Variants in LIMA1 observed in about 807,000 individuals in gnomAD.
LIMA1 encodes the protein LIM domain and actin-binding protein 1.
In LIMA1, 52 loss-of-function variants were observed where a neutral mutation model predicts 62.6. The observed-to-expected ratio is 0.83, with a 90% CI of 0.67 to 1.05. The LOEUF (loss-of-function observed/expected upper bound fraction) is 1.05. LIMA1 is among the 50% of genes least tolerant of loss of function. The pLI is 0.00. For missense variants in LIMA1, 780 were observed against 902.2 expected, an observed-to-expected ratio of 0.86 and a Z score of 1.74; for synonymous variants, 302 against 317.8, an observed-to-expected ratio of 0.95 and a Z score of 0.53.
intron 4 of LIMA1, among the ~76,000 whole-genome samples, chr12:50,214,051 C>CACAT (rs55904917): frequency 4.0e-5 from 6 of 149,860 alleles, no homozygotes; most frequent in South Asian, 4.3e-4. Context: ...CACACACACA[C>CACAT]GAGATTACTC....
At chr12:50,204,298 A>C (rs897842712) in intron 6 of LIMA1, 1 of 363,228 alleles carries the variant, frequency 2.8e-6, no homozygotes, top group African/African-American at 2.1e-5. Context: ...AGCCAGGGAA[A>C]CTCTCAATGA....
intron 1 of LIMA1, among the ~76,000 whole-genome samples, chr12:50,270,956 G>C (rs1293154967): frequency 6.6e-6 from 1 of 152,154 alleles, no homozygotes; most frequent in Non-Finnish European, 1.5e-5. Flanking sequence ...GCCGGGCGTG[G>C]TGGCGGGTGC....
At chr12:50,267,951 G>A (rs778221685) in intron 1 of LIMA1, among the ~76,000 whole-genome samples, 17 of 151,922 alleles carry the variant, frequency 1.1e-4, no homozygotes, top group Non-Finnish European at 2.5e-4. Flanking sequence ...CACCGTGCCC[G>A]GCCACATTTA....
chr12:50,201,231 T>C, intron 6 of LIMA1: 1 of 1,043,126 alleles, frequency 9.6e-7, no homozygotes, highest in Non-Finnish European at 1.2e-6. Context: ...AGCTTGTGAG[T>C]TTTATCAGAA....
At chr12:50,225,961 CATT>C (rs1341685789) in intron 3 of LIMA1, among the ~76,000 whole-genome samples, 1 of 152,202 alleles carries the variant, frequency 6.6e-6, no homozygotes, top group Non-Finnish European at 1.5e-5. Context: ...ATTTATATCT[CATT>C]ATTAATTTAC....
chr12:50,245,138 G>A (rs1400114757), intron 2 of LIMA1, among the ~76,000 whole-genome samples: 2 of 152,138 alleles, frequency 1.3e-5, no homozygotes, highest in East Asian at 1.9e-4. Context: ...GTCCAGGTTG[G>A]GCACAGTGGT....
chr12:50,231,946 T>G (rs1461099251), intron 2 of LIMA1, among the ~76,000 whole-genome samples: 1 of 151,774 alleles, frequency 6.6e-6, no homozygotes, highest in Non-Finnish European at 1.5e-5. Context: ...TTTTGTAGTT[T>G]TAGTAGAGAT....
chr12:50,253,708 T>C (rs964590967), intron 1 of LIMA1, among the ~76,000 whole-genome samples: 2 of 152,162 alleles, frequency 1.3e-5, no homozygotes, highest in African/African-American at 4.8e-5. Flanking sequence ...TTGTAGTAAC[T>C]GGCTTTCATT....
At chr12:50,206,516 A>C (rs1030006655) in intron 4 of LIMA1, among the ~76,000 whole-genome samples, 1 of 152,188 alleles carries the variant, frequency 6.6e-6, no homozygotes, top group Admixed American at 6.6e-5. Context: ...CTTCCAATCC[A>C]GTCTCTATGA....
chr12:50,196,020 G>A lies in LIMA1; in HGVS notation c.973-133C>T, dbSNP rs759511454. 5.2e-5 allele frequency: 44 copies of A among 851,888 alleles called. 1 individual carries two copies. The highest frequency in any genetic ancestry group is 7.1e-5 in the Non-Finnish European group (41 of 578,670). 52.8% of individuals were successfully genotyped at this position (851,888 alleles called of 1,614,324 possible). ...TCACTGGCTGCCTAGGGGAAATAAC[G>A]GGCACCAGAACAGCTGAGCATTTGA... On this transcript the variant is annotated intron_variant, in intron 7 of 10. Coordinates refer to ENST00000341247, the MANE Select transcript of LIMA1 (RefSeq NM_016357.5).
At chr12:50,184,130 A>G (rs959226554) in intron 9 of LIMA1, among the ~76,000 whole-genome samples, 3 of 152,220 alleles carry the variant, frequency 2.0e-5, no homozygotes, top group African/African-American at 4.8e-5. Flanking sequence ...AGAAACATCT[A>G]AAGAATCAAA....
chr12:50,267,061 A>T (rs1483953485), intron 1 of LIMA1, among the ~76,000 whole-genome samples: 1 of 151,050 alleles, frequency 6.6e-6, no homozygotes, highest in East Asian at 2.0e-4. Context: ...TGCCCAGCTA[A>T]TTTTTTTATT....
At chr12:50,268,561 C>G (rs1044859340) in intron 1 of LIMA1, among the ~76,000 whole-genome samples, 4 of 151,968 alleles carry the variant, frequency 2.6e-5, no homozygotes, top group Non-Finnish European at 5.9e-5. Flanking sequence ...TCCATTTGAT[C>G]TTATTCACTT....
In LIMA1 at chr12:50,176,763, T is replaced by C; in HGVS notation, c.*301A>G. ...CTACCTTAATATTGCCTTTTGGGAA[T>C]ACAGTAGAATCTGGGCTATTATCAG... On this transcript the variant is annotated 3_prime_UTR_variant, in exon 11 of 11. Transcript: ENST00000341247. 1 of 269,942 alleles carries C rather than the reference T, an allele frequency of 3.7e-6. No individual in the cohort carries two copies. The highest frequency in any genetic ancestry group is 7.1e-5 in the East Asian group (1 of 14,156). The allele number at this position is 269,942 out of a possible 1,614,324, so 16.7% of individuals were successfully genotyped here.
At chr12:50,194,607 A>G (rs1237840310) in intron 8 of LIMA1, among the ~76,000 whole-genome samples, 1 of 151,790 alleles carries the variant, frequency 6.6e-6, no homozygotes, top group Non-Finnish European at 1.5e-5. Context: ...CCAGCAACAT[A>G]TATTTTTAAA....
intron 6 of LIMA1, among the ~76,000 whole-genome samples, chr12:50,202,808 C>T (rs970232208): frequency 2.6e-5 from 4 of 152,078 alleles, no homozygotes; most frequent in Non-Finnish European, 5.9e-5. Flanking sequence ...GCACCAATTT[C>T]GATCTGCCTA....
chr12:50,273,083 T>C (rs1942234844), intron 1 of LIMA1, among the ~76,000 whole-genome samples: 1 of 151,896 alleles, frequency 6.6e-6, no homozygotes, highest in African/African-American at 2.4e-5. Flanking sequence ...TATAAACATT[T>C]TTTTTTAAGA....
At chr12:50,218,909 ACAAAAAC>A (rs1941396769) in intron 4 of LIMA1, among the ~76,000 whole-genome samples, 27 of 72,118 alleles carry the variant, frequency 3.7e-4, no homozygotes, top group African/African-American at 1.3e-3. Flanking sequence ...AAAAAAAAAA[ACAAAAAC>A]AAAAAAAAAA....
At chr12:50,231,753 A>C in intron 2 of LIMA1, 43 bp from the exon 3 acceptor site, 1 of 1,565,232 alleles carries the variant, frequency 6.4e-7, no homozygotes, top group Non-Finnish European at 8.8e-7. Flanking sequence ...TTAAACTTAT[A>C]TTTTTACTCT....
Sources: gnomAD v4.1 joint callset for allele counts (sites outside exome capture counted in the v4.1 genomes callset) on GRCh38, gnomAD v4.1.1 for gene constraint, MANE v1.5 for transcripts, NCBI Gene and HGNC (gene_info 2026-07-23, HGNC 2026-07-21) for gene names.